The following DENND1A variants were observed in gnomAD, a reference collection of about 807,000 sequenced individuals.
DENND1A encodes DENN domain containing 1A, also known as DENN domain-containing protein 1A.
DENND1A carries 51 observed loss-of-function variants against 113.7 expected under a neutral mutation model. That is an observed-to-expected ratio of 0.45 (90% CI 0.36 to 0.57). The LOEUF (loss-of-function observed/expected upper bound fraction) is 0.57, where lower values mean the gene tolerates loss of function less well. Among genes scored for constraint, DENND1A ranks in the 20% least tolerant of loss-of-function variants. DENND1A has a pLI of 0.00. For synonymous variants in DENND1A, 565 were observed against 570.8 expected, an observed-to-expected ratio of 0.99 and a Z score of 0.14; for missense variants, 1,258 against 1,395.9, an observed-to-expected ratio of 0.90 and a Z score of 1.57.
rs142912404 is a variant in DENND1A at position 123,579,860 on chromosome 9, A to C, written c.867+3309T>G. Among the ~76,000 whole-genome samples the C allele has an allele frequency of 5.0e-3, 762 of 152,272 alleles. 3 individuals are homozygous for C. Among genetic ancestry groups the C allele is most frequent in the African/African-American group, 0.018 (731 of 41,534 alleles). ...AAATACAATAAATACCTTACAGACC[A>C]CATCTCCCCCCATTACAATCTTCAG... On this transcript the variant is annotated intron_variant, in intron 12 of 23. Coordinates refer to ENST00000394215, the MANE Select transcript of DENND1A (RefSeq NM_001352964.2).
chr9:123,484,185 A>G (rs937247791), intron 13 of DENND1A, among the ~76,000 whole-genome samples: 7 of 152,144 alleles, frequency 4.6e-5, no homozygotes, highest in East Asian at 1.9e-4. Context: ...GCCATTTAGT[A>G]TATTATCTTC....
At chr9:123,756,241 T>C (rs2070533878) in intron 5 of DENND1A, among the ~76,000 whole-genome samples, 1 of 152,208 alleles carries the variant, frequency 6.6e-6, no homozygotes, top group African/African-American at 2.4e-5. Flanking sequence ...GTCAAAGTTA[T>C]ATGTGGATTT....
intron 1 of DENND1A, chr9:123,928,636 G>A (rs985662263): frequency 6.1e-6 from 6 of 985,314 alleles, no homozygotes; most frequent in Non-Finnish European, 7.2e-6. Context: ...GATGTCTCAA[G>A]GCTGCTGCAG....
chr9:123,605,630 G>C (rs1261446050), intron 11 of DENND1A, among the ~76,000 whole-genome samples: 3 of 152,204 alleles, frequency 2.0e-5, no homozygotes, highest in Non-Finnish European at 2.9e-5. Flanking sequence ...TGGCGATCAG[G>C]TATACACTTG....
At position 123,676,706 on chromosome 9, in the gene DENND1A, A is replaced by C. The variant is rs2064098486; in HGVS notation, c.372+14T>G. On this transcript the variant is annotated intron_variant, in intron 6 of 23. Transcript: ENST00000394215. ...CTTATTTGTTTAAAAGAATTATTTT[A>C]AAAAGGTAAATACCTGTCTTTTTGT... 2 of 1,609,940 alleles carry C rather than the reference A, an allele frequency of 1.2e-6. No homozygotes were observed. The highest frequency in any genetic ancestry group is 1.7e-6 in the Non-Finnish European group (2 of 1,177,308).
intron 2 of DENND1A, among the ~76,000 whole-genome samples, chr9:123,861,968 G>A (rs575229527): frequency 1.1e-4 from 17 of 152,272 alleles, no homozygotes; most frequent in African/African-American, 3.6e-4. Context: ...CAGTGCAAAT[G>A]CCAGGCAAAT....
intron 5 of DENND1A, among the ~76,000 whole-genome samples, chr9:123,757,171 T>C (rs1053856229): frequency 5.3e-5 from 8 of 152,206 alleles, no homozygotes; most frequent in Admixed American, 3.3e-4. Context: ...GAGGGGCTTT[T>C]AGAAGACCTG....
chr9:123,658,466 TAGAC>T (rs879291047), intron 8 of DENND1A, among the ~76,000 whole-genome samples: 1 of 152,350 alleles, frequency 6.6e-6, no homozygotes, highest in South Asian at 2.1e-4. Flanking sequence ...GTTATCTTGA[TAGAC>T]AGAGAAAACC....
At chr9:123,454,480 C>T (rs2047964349) in intron 16 of DENND1A, among the ~76,000 whole-genome samples, 1 of 152,210 alleles carries the variant, frequency 6.6e-6, no homozygotes, top group South Asian at 2.1e-4. Flanking sequence ...AGCAACATTC[C>T]ATTCAGCTCT....
chr9:123,927,574 C>A (rs1857330453), intron 1 of DENND1A, among the ~76,000 whole-genome samples: 1 of 152,232 alleles, frequency 6.6e-6, no homozygotes, highest in South Asian at 2.1e-4. Flanking sequence ...CAGTCCTCCC[C>A]ATTTTACCTT....
intron 1 of DENND1A, among the ~76,000 whole-genome samples, chr9:123,903,651 G>A (rs938113586): frequency 2.0e-5 from 3 of 152,172 alleles, no homozygotes; most frequent in Non-Finnish European, 2.9e-5. Context: ...CCCGAATATT[G>A]CGCTTTTCGG....
intron 11 of DENND1A, among the ~76,000 whole-genome samples, chr9:123,597,919 C>T (rs1444484604): frequency 6.6e-6 from 1 of 152,174 alleles, no homozygotes; most frequent in Non-Finnish European, 1.5e-5. Flanking sequence ...AACGTATCAG[C>T]CTGGCTGCCA....
At chr9:123,544,786 A>T (rs1476736662) in intron 13 of DENND1A, among the ~76,000 whole-genome samples, 1 of 152,182 alleles carries the variant, frequency 6.6e-6, no homozygotes, top group African/African-American at 2.4e-5. Context: ...TAGCTTCCAA[A>T]CAACTAAGGA....
intron 1 of DENND1A, among the ~76,000 whole-genome samples, chr9:123,910,619 G>C (rs1040127391): frequency 6.6e-6 from 1 of 152,188 alleles, no homozygotes; most frequent in Non-Finnish European, 1.5e-5. Flanking sequence ...CAATAAAATA[G>C]ACTTAAGATC....
At chr9:123,465,172 C>A (rs1301888181) in intron 13 of DENND1A, among the ~76,000 whole-genome samples, 2 of 150,574 alleles carry the variant, frequency 1.3e-5, no homozygotes, top group African/African-American at 4.9e-5. Flanking sequence ...CAGAGCAAGA[C>A]TACGTCTCAA....
intron 1 of DENND1A, among the ~76,000 whole-genome samples, chr9:123,901,245 T>C (rs1010149366): frequency 6.6e-5 from 10 of 152,068 alleles, no homozygotes. Context: ...ATTACAGCCA[T>C]TAAGGTAGGA....
intron 4 of DENND1A, among the ~76,000 whole-genome samples, chr9:123,765,613 T>C (rs1398046398): frequency 6.6e-6 from 1 of 152,130 alleles, no homozygotes; most frequent in Non-Finnish European, 1.5e-5. Context: ...TGAAAGAGGA[T>C]AAACACAAAA....
intron 13 of DENND1A, among the ~76,000 whole-genome samples, chr9:123,474,717 T>A (rs1381461141): frequency 6.6e-6 from 1 of 152,238 alleles, no homozygotes; most frequent in Non-Finnish European, 1.5e-5. Flanking sequence ...TCTTCCTCTG[T>A]AAAATGGGAA....
In DENND1A at chr9:123,756,704, C is replaced by T. The variant is rs528554212; in HGVS notation, c.302+999G>A. 1.3e-4 allele frequency among the ~76,000 whole-genome samples: 20 copies of T among 152,280 alleles called. No homozygotes were observed. The South Asian group carries it at 3.7e-3, about 28-fold the overall frequency. ...AGCTTGGGAACTTCCAAAGTCAGCCCCTCCTCCCCTGTGGTGTGAGGGTGT... is the reference window on the plus strand; with the variant it reads ...AGCTTGGGAACTTCCAAAGTCAGCCTCTCCTCCCCTGTGGTGTGAGGGTGT... On this transcript the variant is annotated intron_variant, in intron 5 of 23. Transcript: ENST00000394215.
Sources: gnomAD v4.1 joint callset for allele counts (sites outside exome capture counted in the v4.1 genomes callset) on GRCh38, gnomAD v4.1.1 for gene constraint, MANE v1.5 for transcripts, NCBI Gene and HGNC (gene_info 2026-07-23, HGNC 2026-07-21) for gene names.